KIRREL3: variants seen among roughly 807,000 people sequenced by gnomAD.
KIRREL3 encodes kirre like nephrin family adhesion molecule 3, also known as kin of IRRE-like protein 3.
Under a neutral mutation model 89.7 loss-of-function variants are expected in KIRREL3, and 36 were observed. The observed-to-expected ratio is 0.40, with a 90% CI of 0.31 to 0.53. The LOEUF (loss-of-function observed/expected upper bound fraction) is 0.53, where lower values mean the gene tolerates loss of function less well. KIRREL3 is among the 20% of genes least tolerant of loss of function. KIRREL3 has a pLI of 0.49. For synonymous variants in KIRREL3, 445 were observed against 441.4 expected, an observed-to-expected ratio of 1.01 and a Z score of -0.10; for missense variants, 864 against 1,056.6, an observed-to-expected ratio of 0.82 and a Z score of 2.53.
chr11:126,863,381 G>A (rs1180178007), intron 1 of KIRREL3, among the ~76,000 whole-genome samples: 3 of 81,432 alleles, frequency 3.7e-5, no homozygotes, highest in African/African-American at 5.5e-5. Context: ...GCGTGTGTGT[G>A]TTTGAGTGCG....
Position 126,696,672 on chromosome 11 carries a change from G to A in KIRREL3, c.56-133760C>T, listed in dbSNP as rs999592658. ...AAGGGTGGCTCAAACCACATCGCAT[G>A]GCTCATAAGGCCCTTGGCGAGTTGA... is the stretch of plus-strand genomic sequence containing the variant. On this transcript the variant is annotated intron_variant, in intron 1 of 16. Coordinates refer to ENST00000525144, the MANE Select transcript of KIRREL3 (RefSeq NM_032531.4). This position sits in a 1 kb window ranked among gnomAD's most constrained non-coding sequence, Gnocchi z 4.4. Among the ~76,000 whole-genome samples the A allele has an allele frequency of 2.0e-5, 3 of 152,202 alleles. No homozygotes were observed. Among genetic ancestry groups the A allele is most frequent in the African/African-American group, 7.2e-5 (3 of 41,440 alleles).
At chr11:126,813,654 T>C (rs942093943) in intron 1 of KIRREL3, among the ~76,000 whole-genome samples, 11 of 152,018 alleles carry the variant, frequency 7.2e-5, no homozygotes, top group African/African-American at 2.4e-4. Context: ...GCACAGATAA[T>C]TGGTATTGAG....
At position 126,985,255 on chromosome 11, in the gene KIRREL3, C is replaced by T. The variant is rs953708837; in HGVS notation, c.55+15200G>A. ...GGTAGGAGTTGTCCAGAATCCCTGA[C>T]ACATTATGCTCTTTTCCCATGTAAG... On this transcript the variant is annotated intron_variant, in intron 1 of 16. Coordinates refer to ENST00000525144, the MANE Select transcript of KIRREL3 (RefSeq NM_032531.4). The surrounding 1 kb of genome is among the most constrained non-coding windows in gnomAD (Gnocchi z 5.3). 1.3e-5 allele frequency among the ~76,000 whole-genome samples: 2 copies of T among 152,116 alleles called. No homozygotes were observed. Among genetic ancestry groups the T allele is most frequent in the East Asian group, 1.9e-4 (1 of 5,190 alleles).
At chr11:126,680,342 G>A (rs968942245) in intron 1 of KIRREL3, among the ~76,000 whole-genome samples, 1 of 152,038 alleles carries the variant, frequency 6.6e-6, no homozygotes, top group Non-Finnish European at 1.5e-5. Context: ...GCATGCAAGG[G>A]ACCGCGTACT....
At chr11:126,980,372 A>T (rs1029226672) in intron 1 of KIRREL3, among the ~76,000 whole-genome samples, 6 of 152,162 alleles carry the variant, frequency 3.9e-5, no homozygotes, top group African/African-American at 1.4e-4. Flanking sequence ...GGACCTTCAA[A>T]GCTGGGTAAG....
At chr11:126,799,778 G>A (rs1180106775) in intron 1 of KIRREL3, among the ~76,000 whole-genome samples, 1 of 152,136 alleles carries the variant, frequency 6.6e-6, no homozygotes, top group Non-Finnish European at 1.5e-5. Context: ...GTAGAATAAT[G>A]GAAGGCTTGC....
chr11:126,730,301 T>G (rs1159493602), intron 1 of KIRREL3, among the ~76,000 whole-genome samples: 1 of 152,126 alleles, frequency 6.6e-6, no homozygotes, highest in African/African-American at 2.4e-5. Context: ...TTCTCCTCCC[T>G]CTTCTCATCA....
rs1298063496 is a variant in KIRREL3 at position 126,920,594 on chromosome 11, C to T, written c.55+79861G>A. 3.3e-5 allele frequency: 5 copies of T among 152,300 alleles called. 1 individual carries two copies. In the South Asian group the frequency reaches 1.0e-3, roughly 32 times the overall value. 9.4% of individuals were successfully genotyped at this position (152,300 alleles called of 1,614,324 possible). A position where few individuals can be genotyped will look rare whatever the true frequency, so the allele number is the denominator to read the frequency against. ...TTTCTGCCCATAGCATCCTATTTTTCCTGATCTTACTTGGCTATTCCTCAG... is the reference window on the plus strand; with the variant it reads ...TTTCTGCCCATAGCATCCTATTTTTTCTGATCTTACTTGGCTATTCCTCAG... On this transcript the variant is annotated intron_variant, in intron 1 of 16. Transcript: ENST00000525144.
At chr11:126,732,353 C>T (rs7114947) in intron 1 of KIRREL3, among the ~76,000 whole-genome samples, 2 of 152,020 alleles carry the variant, frequency 1.3e-5, no homozygotes, top group African/African-American at 4.8e-5. Flanking sequence ...AGATTCTGTC[C>T]TTGAAATAGC....
At chr11:126,681,561 G>A (rs1946453774) in intron 1 of KIRREL3, among the ~76,000 whole-genome samples, 1 of 151,864 alleles carries the variant, frequency 6.6e-6, no homozygotes, top group Non-Finnish European at 1.5e-5. Flanking sequence ...TTGGGAGCGG[G>A]GGCTGTAGTA....
At position 126,969,983 on chromosome 11, in the gene KIRREL3, A is replaced by G. The variant is rs998336139; in HGVS notation, c.55+30472T>C. ...AGTTTTGTGTTAATGTGACTAGTGT[A>G]TGACTCTATCTGAGTTAAGACAACG... On this transcript the variant is annotated intron_variant, in intron 1 of 16. Coordinates refer to ENST00000525144, the MANE Select transcript of KIRREL3 (RefSeq NM_032531.4). The surrounding 1 kb of genome is among the most constrained non-coding windows in gnomAD (Gnocchi z 4.9). Among the ~76,000 whole-genome samples, 4 of 152,182 alleles carry G rather than the reference A, an allele frequency of 2.6e-5. No homozygotes were observed. The highest frequency in any genetic ancestry group is 4.4e-5 in the Non-Finnish European group (3 of 68,028).
At chr11:126,732,092 C>T (rs1420250921) in intron 1 of KIRREL3, among the ~76,000 whole-genome samples, 4 of 152,300 alleles carry the variant, frequency 2.6e-5, no homozygotes, top group Non-Finnish European at 4.4e-5. Context: ...TCATTAATCT[C>T]ACCTCCTTGC....
intron 10 of KIRREL3, among the ~76,000 whole-genome samples, chr11:126,444,299 T>G (rs889699258): frequency 6.6e-6 from 1 of 152,200 alleles, no homozygotes; most frequent in African/African-American, 2.4e-5. Context: ...CTCACACGCA[T>G]TGGGAAGAGG....
intron 1 of KIRREL3, among the ~76,000 whole-genome samples, chr11:126,794,513 C>A (rs949501184): frequency 1.3e-5 from 2 of 152,204 alleles, no homozygotes; most frequent in African/African-American, 4.8e-5. Flanking sequence ...AGGGTGGTAA[C>A]ACAGATCACA....
chr11:126,767,033 G>A (rs762765362), intron 1 of KIRREL3, among the ~76,000 whole-genome samples: 4 of 152,250 alleles, frequency 2.6e-5, no homozygotes, highest in Non-Finnish European at 5.9e-5. Flanking sequence ...CATTCAACAT[G>A]AGAGGTACAG....
At chr11:126,816,537 G>A (rs1202960432) in intron 1 of KIRREL3, among the ~76,000 whole-genome samples, 1 of 152,158 alleles carries the variant, frequency 6.6e-6, no homozygotes, top group Non-Finnish European at 1.5e-5. Flanking sequence ...GACCCGCTGT[G>A]GAGAAATAAA....
intron 1 of KIRREL3, among the ~76,000 whole-genome samples, chr11:126,731,995 G>C (rs1429307591): frequency 6.6e-6 from 1 of 152,230 alleles, no homozygotes; most frequent in African/African-American, 2.4e-5. Context: ...ACTGCCAGAG[G>C]GTGAAGGAAA....
In KIRREL3 at chr11:126,449,216, G is replaced by A. The variant is rs547858806; in HGVS notation, c.849-59C>T. 50 of 1,587,974 alleles carry A rather than the reference G, an allele frequency of 3.1e-5. No homozygotes were observed. The South Asian group carries it at 5.5e-4, about 17-fold the overall frequency. On this transcript the variant is annotated intron_variant, in intron 7 of 16. Coordinates refer to ENST00000525144, the MANE Select transcript of KIRREL3 (RefSeq NM_032531.4). ...GAGTGGCAAGGCCAACCCTCCGGGA[G>A]CTGGACACATCCATCCCATGGAAAA...
intron 6 of KIRREL3, among the ~76,000 whole-genome samples, chr11:126,457,499 G>A (rs181156199): frequency 6.6e-5 from 10 of 151,890 alleles, no homozygotes; most frequent in South Asian, 6.3e-4. Context: ...GTATGTATGC[G>A]TGTGTGTATG....
Sources: gnomAD v4.1 joint callset for allele counts (sites outside exome capture counted in the v4.1 genomes callset) on GRCh38, gnomAD v4.1.1 for gene constraint, Gnocchi (gnomAD v3.1) non-coding constraint, MANE v1.5 for transcripts, NCBI Gene and HGNC (gene_info 2026-07-23, HGNC 2026-07-21) for gene names.